Variants in PTPRD observed in about 807,000 individuals in gnomAD.
PTPRD encodes receptor-type tyrosine-protein phosphatase delta.
Under a neutral mutation model 214.5 loss-of-function variants are expected in PTPRD, and 34 were observed. That is an observed-to-expected ratio of 0.16 (90% CI 0.12 to 0.21). The LOEUF (loss-of-function observed/expected upper bound fraction) is 0.21, where lower values mean the gene tolerates loss of function less well. Among genes scored for constraint, PTPRD ranks in the 10% least tolerant of loss-of-function variants. The pLI is 1.00. For missense variants in PTPRD, 2,545 were observed against 2,398.7 expected, an observed-to-expected ratio of 1.06 and a Z score of -1.27; for synonymous variants, 1,128 against 845.7, an observed-to-expected ratio of 1.33 and a Z score of -5.79.
At chr9:10,214,442 T>C in intron 3 of PTPRD, among the ~76,000 whole-genome samples, 1 of 150,888 alleles carries the variant, frequency 6.6e-6, no homozygotes, top group African/African-American at 2.4e-5. Flanking sequence ...TTTTTTTTTT[T>C]TTTTTTGCAT....
At chr9:8,892,631 G>A (rs916592367) in intron 11 of PTPRD, among the ~76,000 whole-genome samples, 11 of 147,212 alleles carry the variant, frequency 7.5e-5, no homozygotes, top group Non-Finnish European at 1.2e-4. Flanking sequence ...GTATATATAT[G>A]TGTGTATATA....
chr9:8,626,640 C>T (rs1427096692), intron 14 of PTPRD, among the ~76,000 whole-genome samples: 1 of 151,764 alleles, frequency 6.6e-6, no homozygotes, highest in Non-Finnish European at 1.5e-5. Flanking sequence ...CTTATCCAAT[C>T]AGGTAAAACA....
At chr9:9,701,735 G>A (rs2097506060) in intron 7 of PTPRD, among the ~76,000 whole-genome samples, 2 of 151,956 alleles carry the variant, frequency 1.3e-5, no homozygotes, top group Non-Finnish European at 1.5e-5. Context: ...TGAGAAGGAT[G>A]AATATGCTAT....
chr9:9,772,964 TA>T (rs1565152087), intron 5 of PTPRD, among the ~76,000 whole-genome samples: 1 of 152,142 alleles, frequency 6.6e-6, no homozygotes, highest in African/African-American at 2.4e-5. Context: ...CCCTTCTTTC[TA>T]AAAAAGGAAA....
intron 11 of PTPRD, among the ~76,000 whole-genome samples, chr9:8,899,006 T>A (rs544961268): frequency 6.6e-6 from 1 of 152,192 alleles, no homozygotes; most frequent in African/African-American, 2.4e-5. Flanking sequence ...TTCATGAAAA[T>A]TTGTCATTTT....
chr9:9,404,807 C>T (rs990365018), intron 8 of PTPRD, among the ~76,000 whole-genome samples: 4 of 151,966 alleles, frequency 2.6e-5, no homozygotes, highest in African/African-American at 7.2e-5. Context: ...GCCAGAGCCC[C>T]GAGAAGTCCT....
chr9:9,825,815 A>C (rs1598888382), intron 5 of PTPRD, among the ~76,000 whole-genome samples: 2 of 151,732 alleles, frequency 1.3e-5, no homozygotes, highest in African/African-American at 4.8e-5. Context: ...AATTGGGTTT[A>C]TATTTTTAAA....
At chr9:10,586,032 T>C (rs1458852358) in intron 2 of PTPRD, among the ~76,000 whole-genome samples, 2 of 152,070 alleles carry the variant, frequency 1.3e-5, no homozygotes, top group Non-Finnish European at 2.9e-5. Flanking sequence ...AAATTCATAC[T>C]TAATATATTT....
chr9:9,497,002 C>T (rs934130077), intron 8 of PTPRD, among the ~76,000 whole-genome samples: 10 of 152,058 alleles, frequency 6.6e-5, no homozygotes, highest in Non-Finnish European at 8.8e-5. Context: ...TAAAAAAAGA[C>T]AAATACTATA....
chr9:9,763,396 T>C (rs933529469), intron 6 of PTPRD, among the ~76,000 whole-genome samples: 4 of 152,162 alleles, frequency 2.6e-5, no homozygotes, highest in Non-Finnish European at 5.9e-5. Context: ...ACATACATAA[T>C]ATATATGTAT....
chr9:9,961,984 G>C (rs1253354393), intron 4 of PTPRD, among the ~76,000 whole-genome samples: 1 of 151,312 alleles, frequency 6.6e-6, no homozygotes, highest in Non-Finnish European at 1.5e-5. Context: ...TTAAAAATAA[G>C]GAAAAAAAGA....
chr9:8,456,248 G>A (rs988372868), intron 33 of PTPRD, among the ~76,000 whole-genome samples: 9 of 152,176 alleles, frequency 5.9e-5, no homozygotes, highest in Non-Finnish European at 1.0e-4. Flanking sequence ...TGACAGTAAC[G>A]CAGTAGGTTC....
rs186357976 is a variant in PTPRD at position 8,723,112 on chromosome 9, G to A, written c.64+10668C>T. ...TCTCCTATACCTAGCCCAGCAATCC[G>A]AACCCTTTATACGACCTCCAGGGCC... On this transcript the variant is annotated intron_variant, in intron 12 of 45. Transcript: ENST00000381196. Among the ~76,000 whole-genome samples the A allele has an allele frequency of 3.0e-4, 46 of 152,136 alleles. No individual in the cohort carries two copies. The East Asian group carries it at 8.7e-3, about 29-fold the overall frequency.
Position 9,992,817 on chromosome 9 carries a change from G to C in PTPRD, c.-472+40901C>G, listed in dbSNP as rs2154081268. Among the ~76,000 whole-genome samples, 5 of 152,024 alleles carry C rather than the reference G, an allele frequency of 3.3e-5. No homozygotes were observed. In the South Asian group the frequency reaches 1.0e-3, roughly 32 times the overall value. On this transcript the variant is annotated intron_variant, in intron 4 of 45. Transcript: ENST00000381196. ...GCCTGCTGGGGGATGGGGAGAGGGG[G>C]GAGGGATAGCATTAGGAGATAAACC...
At chr9:8,815,011 G>C (rs1432082984) in intron 11 of PTPRD, among the ~76,000 whole-genome samples, 1 of 152,034 alleles carries the variant, frequency 6.6e-6, no homozygotes, top group East Asian at 1.9e-4. Context: ...CTCAACTATA[G>C]CCAAATCTGT....
intron 3 of PTPRD, among the ~76,000 whole-genome samples, chr9:10,055,439 A>T (rs1411888126): frequency 5.9e-5 from 9 of 152,080 alleles, no homozygotes; most frequent in African/African-American, 2.2e-4. Context: ...TGGAGTAGTT[A>T]CTATTTTTAA....
chr9:8,977,260 T>G (rs971383800), intron 11 of PTPRD, among the ~76,000 whole-genome samples: 8 of 152,100 alleles, frequency 5.3e-5, no homozygotes, highest in African/African-American at 1.9e-4. Context: ...TTTATCCCAC[T>G]AAGTCTTGCC....
At chr9:10,090,327 G>T (rs958178747) in intron 3 of PTPRD, among the ~76,000 whole-genome samples, 2 of 151,582 alleles carry the variant, frequency 1.3e-5, no homozygotes, top group Non-Finnish European at 1.5e-5. Context: ...TATTCACCAA[G>T]TACCTTAGTC....
intron 10 of PTPRD, among the ~76,000 whole-genome samples, chr9:9,178,280 C>A (rs898261978): frequency 6.6e-6 from 1 of 151,842 alleles, no homozygotes; most frequent in African/African-American, 2.4e-5. Flanking sequence ...TTCCTGCCTG[C>A]CTGCCTTTTT....
Sources: gnomAD v4.1 joint callset for allele counts (sites outside exome capture counted in the v4.1 genomes callset) on GRCh38, gnomAD v4.1.1 for gene constraint, MANE v1.5 for transcripts, NCBI Gene and HGNC (gene_info 2026-07-23, HGNC 2026-07-21) for gene names.